Variants in CDH12 observed in about 807,000 individuals in gnomAD.
CDH12 encodes the protein cadherin 12.
A neutral mutation model predicts 74.1 loss-of-function variants in CDH12; 41 were observed. The ratio of observed to expected loss-of-function variants is 0.55; its 90% confidence interval spans 0.43 to 0.72. The LOEUF (loss-of-function observed/expected upper bound fraction) is 0.72, where lower values mean the gene tolerates loss of function less well. Ranked by LOEUF, CDH12 falls within the 30% of genes least tolerant of loss-of-function variation. The probability of loss-of-function intolerance (pLI) is 0.00; values close to 1 mark genes in which losing one functional copy is unlikely to be tolerated. For synonymous variants in CDH12, 399 were observed against 355.0 expected, an observed-to-expected ratio of 1.12 and a Z score of -1.39; for missense variants, 945 against 977.2, an observed-to-expected ratio of 0.97 and a Z score of 0.44.
chr5:22,306,176 T>G (rs1467526646), intron 3 of CDH12, among the ~76,000 whole-genome samples: 1 of 152,216 alleles, frequency 6.6e-6, no homozygotes, highest in African/African-American at 2.4e-5. Context: ...CCAGTTGCAA[T>G]TTATACTGTT....
At chr5:21,849,673 T>A (rs1462833556) in intron 7 of CDH12, among the ~76,000 whole-genome samples, 1 of 151,750 alleles carries the variant, frequency 6.6e-6, no homozygotes, top group African/African-American at 2.4e-5. Flanking sequence ...ATTTTGCCCT[T>A]AAAGAAAGAA....
intron 1 of CDH12, among the ~76,000 whole-genome samples, chr5:22,699,978 C>T (rs145444218): frequency 0.011 from 1,662 of 152,150 alleles, 13 homozygotes; most frequent in Non-Finnish European, 0.018. Context: ...AGTTTGAGAC[C>T]AGCCTGGTCA....
chr5:22,069,156 A>G (rs1402054852), intron 5 of CDH12, among the ~76,000 whole-genome samples: 2 of 152,120 alleles, frequency 1.3e-5, no homozygotes, highest in Non-Finnish European at 2.9e-5. Context: ...GATCTTCCAC[A>G]CAGCACTGCT....
intron 1 of CDH12, among the ~76,000 whole-genome samples, chr5:22,817,336 T>C (rs1749443599): frequency 6.6e-6 from 1 of 152,070 alleles, no homozygotes; most frequent in Non-Finnish European, 1.5e-5. Flanking sequence ...AATGATATTA[T>C]TTGAAAGATC....
intron 1 of CDH12, among the ~76,000 whole-genome samples, chr5:22,844,072 T>C (rs1581056052): frequency 2.6e-5 from 4 of 151,978 alleles, no homozygotes; most frequent in African/African-American, 7.2e-5. Flanking sequence ...TTCATCAAGA[T>C]AAAAAAGAGA....
At chr5:22,102,853 G>A (rs1330737215) in intron 4 of CDH12, among the ~76,000 whole-genome samples, 1 of 152,058 alleles carries the variant, frequency 6.6e-6, no homozygotes, top group Non-Finnish European at 1.5e-5. Flanking sequence ...TCAGCCTTCT[G>A]TTCAGCCATG....
At chr5:22,481,870 G>A (rs1045019301) in intron 2 of CDH12, among the ~76,000 whole-genome samples, 14 of 150,370 alleles carry the variant, frequency 9.3e-5, no homozygotes, top group South Asian at 2.1e-4. Flanking sequence ...TGTTAAGTGC[G>A]CTTGCACTTA....
intron 6 of CDH12, among the ~76,000 whole-genome samples, chr5:21,866,470 A>C (rs574980652): frequency 2.0e-5 from 3 of 152,312 alleles, no homozygotes; most frequent in Admixed American, 6.5e-5. Context: ...ATCTGTTGGC[A>C]ACTGGAGCAA....
intron 1 of CDH12, among the ~76,000 whole-genome samples, chr5:22,540,294 A>T (rs1483823283): frequency 2.6e-5 from 4 of 152,056 alleles, no homozygotes; most frequent in African/African-American, 9.7e-5. Flanking sequence ...AATTAAATGT[A>T]TTTCAAGAGA....
At chr5:21,756,213 T>C (rs1380210455) in intron 13 of CDH12, among the ~76,000 whole-genome samples, 2 of 152,102 alleles carry the variant, frequency 1.3e-5, no homozygotes, top group African/African-American at 4.8e-5. Context: ...CTGTAAATTA[T>C]CTCAAATAAG....
chr5:22,204,325 T>G (rs1432810432), intron 4 of CDH12, among the ~76,000 whole-genome samples: 1 of 152,092 alleles, frequency 6.6e-6, no homozygotes, highest in Admixed American at 6.5e-5. Flanking sequence ...CACGCCCGGT[T>G]AGTTTTTTGT....
At chr5:22,602,536 C>T (rs1736901024) in intron 1 of CDH12, among the ~76,000 whole-genome samples, 1 of 151,954 alleles carries the variant, frequency 6.6e-6, no homozygotes. Flanking sequence ...AATAATCAAG[C>T]CTCGTATAGA....
chr5:22,649,994 A>G (rs1739648070), intron 1 of CDH12, among the ~76,000 whole-genome samples: 1 of 151,990 alleles, frequency 6.6e-6, no homozygotes, highest in Non-Finnish European at 1.5e-5. Flanking sequence ...TTTTGTGCAC[A>G]TGTGCATGGG....
chr5:21,770,618 C>CAA (rs33944200), intron 11 of CDH12, among the ~76,000 whole-genome samples: 7 of 84,016 alleles, frequency 8.3e-5, no homozygotes, highest in African/African-American at 1.2e-4. Context: ...AAGTCCATCT[C>CAA]AAAAAAAAAA....
At chr5:22,821,079 C>T (rs1461712840) in intron 1 of CDH12, among the ~76,000 whole-genome samples, 1 of 152,082 alleles carries the variant, frequency 6.6e-6, no homozygotes, top group Non-Finnish European at 1.5e-5. Flanking sequence ...GCTGGTTCAA[C>T]ATACGCAAAT....
intron 5 of CDH12, among the ~76,000 whole-genome samples, chr5:21,988,074 G>T (rs1351637011): frequency 1.3e-5 from 2 of 152,056 alleles, no homozygotes; most frequent in East Asian, 3.9e-4. Context: ...AACTGCAAAG[G>T]TAAATAAATA....
At chr5:22,823,231 T>G (rs1477739815) in intron 1 of CDH12, among the ~76,000 whole-genome samples, 7 of 69,560 alleles carry the variant, frequency 1.0e-4, no homozygotes, top group Middle Eastern at 9.1e-3. Flanking sequence ...CGGGGACTGT[T>G]GTGAGGTGGG....
At chr5:22,098,680 C>G (rs1246372830) in intron 4 of CDH12, among the ~76,000 whole-genome samples, 1 of 152,130 alleles carries the variant, frequency 6.6e-6, no homozygotes, top group Non-Finnish European at 1.5e-5. Context: ...TGTTCCTGGC[C>G]CGGACTTCAA....
At chr5:21,915,626 C>G (rs907181453) in intron 6 of CDH12, among the ~76,000 whole-genome samples, 1 of 152,058 alleles carries the variant, frequency 6.6e-6, no homozygotes. Context: ...GGTCACAAAC[C>G]CTGCTGTTAT....
Sources: allele counts gnomAD v4.1 joint callset (sites outside exome capture counted in the v4.1 genomes callset), GRCh38; gene constraint gnomAD v4.1.1; transcripts MANE v1.5; gene names NCBI Gene and HGNC (gene_info 2026-07-23, HGNC 2026-07-21).